Variants in ZBTB20 observed in about 807,000 individuals in gnomAD.
ZBTB20 encodes the protein zinc finger and BTB domain containing 20.
Under a neutral mutation model 56.9 loss-of-function variants are expected in ZBTB20, and 9 were observed. The observed-to-expected ratio is 0.16, with a 90% CI of 0.10 to 0.28. The LOEUF is 0.28. Among genes scored for constraint, ZBTB20 ranks in the 10% least tolerant of loss-of-function variants. ZBTB20 has a pLI of 1.00. For synonymous variants in ZBTB20, 417 were observed against 420.7 expected (o/e 0.99, Z 0.11); for missense variants, 655 against 1,003.0 (o/e 0.65, Z 4.69).
At chr3:114,718,095 C>T (rs534017026) in intron 5 of ZBTB20, among the ~76,000 whole-genome samples, 1 of 152,140 alleles carries the variant, frequency 6.6e-6, no homozygotes, top group South Asian at 2.1e-4. Context: ...AGTAGAAAAT[C>T]TTATTCTTGG....
chr3:114,930,232 A>G (rs775372782), intron 3 of ZBTB20, among the ~76,000 whole-genome samples: 19 of 152,196 alleles, frequency 1.2e-4, no homozygotes, highest in Non-Finnish European at 2.6e-4. Flanking sequence ...CGGTACACTG[A>G]AAAACATGTG....
chr3:114,979,087 G>A (rs1036115138), intron 2 of ZBTB20, among the ~76,000 whole-genome samples: 1 of 151,882 alleles, frequency 6.6e-6, no homozygotes, highest in Non-Finnish European at 1.5e-5. Context: ...AAAGATAACA[G>A]CAACTACTCA....
intron 7 of ZBTB20, among the ~76,000 whole-genome samples, chr3:114,496,948 G>A (rs772629061): frequency 1.3e-5 from 2 of 152,164 alleles, no homozygotes; most frequent in Non-Finnish European, 2.9e-5. Flanking sequence ...TAGGAGGCAC[G>A]CGAGCCTGGT....
At chr3:114,854,078 A>G (rs2075130641) in intron 4 of ZBTB20, among the ~76,000 whole-genome samples, 1 of 152,132 alleles carries the variant, frequency 6.6e-6, no homozygotes. Context: ...CCAGATTCTT[A>G]AGTTCTTTCT....
chr3:114,921,221 CA>C (rs2075945673), intron 3 of ZBTB20, among the ~76,000 whole-genome samples: 1 of 152,132 alleles, frequency 6.6e-6, no homozygotes, highest in African/African-American at 2.4e-5. Flanking sequence ...CTCCTGAGTT[CA>C]AGTGATTCTC....
At chr3:114,866,227 T>C (rs1410208380) in intron 4 of ZBTB20, among the ~76,000 whole-genome samples, 1 of 152,200 alleles carries the variant, frequency 6.6e-6, no homozygotes. Context: ...TCCATTTAAT[T>C]ATCATAATAA....
chr3:114,802,939 TCTC>T (rs1049169208), intron 4 of ZBTB20, among the ~76,000 whole-genome samples: 5 of 151,854 alleles, frequency 3.3e-5, no homozygotes, highest in Non-Finnish European at 5.9e-5. Flanking sequence ...CAGGTTTCCT[TCTC>T]CTCAATTTGC....
chr3:115,133,768 CTTCA>C (rs1485854924), intron 1 of ZBTB20, among the ~76,000 whole-genome samples: 1 of 152,000 alleles, frequency 6.6e-6, no homozygotes, highest in Non-Finnish European at 1.5e-5. Context: ...ATTTTTATTC[CTTCA>C]TTCAGCAGTT....
chr3:114,621,520 G>A (rs923757106), intron 6 of ZBTB20, among the ~76,000 whole-genome samples: 3 of 152,028 alleles, frequency 2.0e-5, no homozygotes, highest in Admixed American at 2.0e-4. Flanking sequence ...GTCTTTCTTA[G>A]GGGAATCACA....
At position 114,431,101 on chromosome 3, in the gene ZBTB20, G is replaced by A. The variant is rs1215138176; in HGVS notation, c.-254-41996C>T. 2.6e-5 allele frequency among the ~76,000 whole-genome samples: 4 copies of A among 152,230 alleles called. No homozygotes were observed. The East Asian group carries it at 7.7e-4, about 29-fold the overall frequency. On this transcript the variant is annotated intron_variant, in intron 7 of 11. Transcript: ENST00000675478. ...CCCAGTTCACGTTCTAGTTTCACGC[G>A]GGATAGGAAAAGAAAACGAAAAACA...
chr3:114,963,745 G>GT (rs1305955568), intron 3 of ZBTB20, among the ~76,000 whole-genome samples: 1 of 151,956 alleles, frequency 6.6e-6, no homozygotes, highest in East Asian at 1.9e-4. Context: ...TTGACAAGTA[G>GT]TTTTTTTGCC....
At chr3:114,518,329 A>G (rs74462884) in intron 6 of ZBTB20, among the ~76,000 whole-genome samples, 1 of 152,044 alleles carries the variant, frequency 6.6e-6, no homozygotes, top group Non-Finnish European at 1.5e-5. Context: ...AATAGAAGAG[A>G]AAAAAAACCC....
chr3:114,820,506 C>T (rs1023673902), intron 4 of ZBTB20, among the ~76,000 whole-genome samples: 4 of 151,844 alleles, frequency 2.6e-5, no homozygotes, highest in Non-Finnish European at 5.9e-5. Flanking sequence ...TAAATTTATT[C>T]GTTATATATA....
chr3:114,512,792 T>G (rs1478699397), intron 6 of ZBTB20, among the ~76,000 whole-genome samples: 2 of 152,152 alleles, frequency 1.3e-5, no homozygotes, highest in Admixed American at 1.3e-4. Flanking sequence ...AAAGAGGGAA[T>G]GGAGCCTCAG....
intron 5 of ZBTB20, among the ~76,000 whole-genome samples, chr3:114,789,868 C>T (rs2070809159): frequency 6.6e-6 from 1 of 152,098 alleles, no homozygotes; most frequent in Non-Finnish European, 1.5e-5. Context: ...GAAATGTCAT[C>T]AAGTCTCTTG....
At chr3:114,750,998 A>G (rs1216219312) in intron 5 of ZBTB20, among the ~76,000 whole-genome samples, 1 of 152,176 alleles carries the variant, frequency 6.6e-6, no homozygotes, top group African/African-American at 2.4e-5. Context: ...TAGATTTTTG[A>G]ACTGCATTTT....
At chr3:114,905,860 G>A (rs967969185) in intron 3 of ZBTB20, among the ~76,000 whole-genome samples, 3 of 151,690 alleles carry the variant, frequency 2.0e-5, no homozygotes, top group Admixed American at 6.6e-5. Flanking sequence ...ACAGATACTC[G>A]GTATGGAAGA....
chr3:114,622,383 C>T (rs574071876), intron 6 of ZBTB20, among the ~76,000 whole-genome samples: 8 of 152,162 alleles, frequency 5.3e-5, no homozygotes, highest in South Asian at 2.1e-4. Context: ...AGTCCTAACA[C>T]GAGCTAACTA....
At chr3:115,001,736 A>G (rs1438119458) in intron 2 of ZBTB20, among the ~76,000 whole-genome samples, 2 of 151,432 alleles carry the variant, frequency 1.3e-5, no homozygotes, top group Non-Finnish European at 3.0e-5. Context: ...CTCTGATCAA[A>G]GGTATCAAAA....
Sources: gnomAD v4.1 joint callset for allele counts (sites outside exome capture counted in the v4.1 genomes callset) on GRCh38, gnomAD v4.1.1 for gene constraint, MANE v1.5 for transcripts, NCBI Gene and HGNC (gene_info 2026-07-23, HGNC 2026-07-21) for gene names.